The following TMTC1 variants were observed in gnomAD, a reference collection of about 807,000 sequenced individuals.
TMTC1 encodes the protein transmembrane O-mannosyltransferase targeting cadherins 1.
TMTC1 carries 73 observed loss-of-function variants against 104.8 expected under a neutral mutation model. That is an observed-to-expected ratio of 0.70 (90% CI 0.58 to 0.85). The LOEUF (loss-of-function observed/expected upper bound fraction) is 0.85, where lower values mean the gene tolerates loss of function less well. TMTC1 is among the 40% of genes least tolerant of loss of function. TMTC1 has a pLI of 0.00. For synonymous variants in TMTC1, 434 were observed against 428.7 expected (o/e 1.01, Z -0.15); for missense variants, 1,035 against 1,096.1 (o/e 0.94, Z 0.79).
intron 8 of TMTC1, among the ~76,000 whole-genome samples, chr12:29,575,542 G>T (rs1945798214): frequency 1.3e-5 from 2 of 151,120 alleles, no homozygotes; most frequent in Admixed American, 1.3e-4. Context: ...AGCAAAGACT[G>T]CCCCACTAAA....
At chr12:29,651,333 T>C (rs972668966) in intron 5 of TMTC1, among the ~76,000 whole-genome samples, 2 of 152,118 alleles carry the variant, frequency 1.3e-5, no homozygotes, top group African/African-American at 4.8e-5. Flanking sequence ...CAGTTGGTGG[T>C]GGGTCAGGGA....
At chr12:29,692,382 T>C (rs991592785) in intron 5 of TMTC1, among the ~76,000 whole-genome samples, 6 of 142,104 alleles carry the variant, frequency 4.2e-5, no homozygotes, top group Non-Finnish European at 6.0e-5. Context: ...GCCAACGAAA[T>C]GAATTAAGTT....
At chr12:29,577,317 G>C (rs1438752972) in intron 8 of TMTC1, among the ~76,000 whole-genome samples, 3 of 152,000 alleles carry the variant, frequency 2.0e-5, no homozygotes, top group African/African-American at 7.3e-5. Flanking sequence ...CTCTGAACTG[G>C]CTTCCTTGGG....
intron 10 of TMTC1, among the ~76,000 whole-genome samples, chr12:29,540,944 G>A (rs1444598465): frequency 6.6e-6 from 1 of 151,860 alleles, no homozygotes; most frequent in African/African-American, 2.4e-5. Flanking sequence ...GCAGTGAGCC[G>A]AGATCACGCC....
At chr12:29,741,002 C>A (rs1166140398) in intron 5 of TMTC1, among the ~76,000 whole-genome samples, 2 of 152,108 alleles carry the variant, frequency 1.3e-5, no homozygotes, top group African/African-American at 2.4e-5. Flanking sequence ...TTTGCTCTCG[C>A]AAGCAAATGA....
At chr12:29,730,254 T>C (rs1459240616) in intron 5 of TMTC1, among the ~76,000 whole-genome samples, 1 of 152,250 alleles carries the variant, frequency 6.6e-6, no homozygotes, top group East Asian at 1.9e-4. Flanking sequence ...AACCACTGCG[T>C]GCAGCCTAAT....
intron 11 of TMTC1, 30 bp from the exon 12 acceptor site, chr12:29,520,750 G>A: frequency 3.8e-6 from 6 of 1,559,216 alleles, no homozygotes; most frequent in Non-Finnish European, 5.2e-6. Flanking sequence ...AACAAAATAA[G>A]TGAGAAAGCT....
rs559870946 is a variant in TMTC1, at chr12:29,592,885, A to C, written c.1251-9311T>G. 1.1e-4 allele frequency among the ~76,000 whole-genome samples: 16 copies of C among 152,368 alleles called. 1 individual carries two copies. The South Asian group carries it at 2.9e-3, about 28-fold the overall frequency. On this transcript the variant is annotated intron_variant, in intron 7 of 17. Coordinates refer to ENST00000539277, the MANE Select transcript of TMTC1 (RefSeq NM_001193451.2). Reference sequence around the variant, plus strand: ...ATAGAGTAAGAAGCAGGAAATGTGTAAAGTTTGAATGCATTCCAGGTAGAA... The same window carrying C: ...ATAGAGTAAGAAGCAGGAAATGTGTCAAGTTTGAATGCATTCCAGGTAGAA...
At chr12:29,563,212 T>C (rs1160567743) in intron 9 of TMTC1, among the ~76,000 whole-genome samples, 1 of 152,176 alleles carries the variant, frequency 6.6e-6, no homozygotes, top group African/African-American at 2.4e-5. Flanking sequence ...AGAGCAATTT[T>C]CTCCAAGTTT....
At chr12:29,524,970 T>A (rs541404209) in intron 11 of TMTC1, among the ~76,000 whole-genome samples, 1 of 152,166 alleles carries the variant, frequency 6.6e-6, no homozygotes, top group South Asian at 2.1e-4. Flanking sequence ...TGATCTGTGA[T>A]CTTGGGAAAG....
intron 5 of TMTC1, among the ~76,000 whole-genome samples, chr12:29,667,549 A>T (rs1333668481): frequency 6.6e-6 from 1 of 152,228 alleles, no homozygotes; most frequent in African/African-American, 2.4e-5. Context: ...TTAGAGGTGA[A>T]AGGAATCAAA....
Position 29,633,105 on chromosome 12 carries a change from T to TG in TMTC1, c.1128+41dup, listed in dbSNP as rs780408275. On this transcript the variant is annotated intron_variant, in intron 6 of 17. Coordinates refer to ENST00000539277, the MANE Select transcript of TMTC1 (RefSeq NM_001193451.2). ...AAGAACATTATAGGCATAGAATATC[T>TG]GTCTTCAAATGCAGAGTTCATTCTA... is the stretch of plus-strand genomic sequence containing the variant. 15 of 1,555,790 alleles carry TG rather than the reference T, an allele frequency of 9.6e-6. No individual in the cohort carries two copies. The South Asian group carries it at 1.3e-4, about 13-fold the overall frequency.
chr12:29,734,234 G>GA (rs1942615118), intron 5 of TMTC1, among the ~76,000 whole-genome samples: 1 of 152,072 alleles, frequency 6.6e-6, no homozygotes, highest in South Asian at 2.1e-4. Flanking sequence ...TAATTTCCAG[G>GA]AAAGTACAAA....
At chr12:29,704,977 T>C (rs1941699816) in intron 5 of TMTC1, among the ~76,000 whole-genome samples, 1 of 152,226 alleles carries the variant, frequency 6.6e-6, no homozygotes, top group Admixed American at 6.5e-5. Flanking sequence ...CTAGAAAATG[T>C]GAGGGTGTTT....
intron 11 of TMTC1, among the ~76,000 whole-genome samples, chr12:29,527,788 G>T (rs74951580): frequency 2.0e-4 from 31 of 152,242 alleles, no homozygotes; most frequent in Non-Finnish European, 1.5e-4. Context: ...TAGGCAAAGA[G>T]ATTATCTTTT....
intron 11 of TMTC1, chr12:29,520,985 T>A (rs1944136294): frequency 2.6e-6 from 1 of 381,926 alleles, no homozygotes; most frequent in Admixed American, 4.2e-5. Flanking sequence ...TTTGGAAGGA[T>A]ATGGACCTGT....
chr12:29,631,625 A>G (rs1938302224), intron 6 of TMTC1, among the ~76,000 whole-genome samples: 1 of 150,988 alleles, frequency 6.6e-6, no homozygotes, highest in South Asian at 2.1e-4. Context: ...TTGATCACAC[A>G]CTCCTGTTTC....
chr12:29,650,584 T>C (rs752137576), intron 5 of TMTC1, among the ~76,000 whole-genome samples: 1 of 152,180 alleles, frequency 6.6e-6, no homozygotes, highest in Non-Finnish European at 1.5e-5. Context: ...CATGGTGAAA[T>C]GTTAAGAAAC....
chr12:29,724,190 C>T lies in TMTC1; in HGVS notation c.938+27476G>A, dbSNP rs146763053. 3.9e-5 allele frequency among the ~76,000 whole-genome samples: 6 copies of T among 152,264 alleles called. No homozygotes were observed. The East Asian group carries it at 1.2e-3, about 29-fold the overall frequency. ...TTAGTAATTAGGGAAAAACAAATTA[C>T]AACACAGTTAGAAAATATTTCATAC... On this transcript the variant is annotated intron_variant, in intron 5 of 17. Coordinates refer to ENST00000539277, the MANE Select transcript of TMTC1 (RefSeq NM_001193451.2).
Sources: allele counts gnomAD v4.1 joint callset (sites outside exome capture counted in the v4.1 genomes callset), GRCh38; gene constraint gnomAD v4.1.1; transcripts MANE v1.5; gene names NCBI Gene and HGNC (gene_info 2026-07-23, HGNC 2026-07-21).